The following CHCHD3 variants were observed in gnomAD, a reference collection of about 807,000 sequenced individuals.
The protein encoded by CHCHD3 is MICOS complex subunit MIC19.
CHCHD3 carries 20 observed loss-of-function variants against 38.2 expected under a neutral mutation model. The ratio of observed to expected loss-of-function variants is 0.52; its 90% CI spans 0.37 to 0.76. The LOEUF is 0.76. CHCHD3 is among the 30% of genes least tolerant of loss of function. The pLI is 0.00. For synonymous variants in CHCHD3, 82 were observed against 100.0 expected (o/e 0.82, Z 1.07); for missense variants, 245 against 279.2 (o/e 0.88, Z 0.87).
intron 4 of CHCHD3, among the ~76,000 whole-genome samples, chr7:132,944,222 G>A (rs1206827562): frequency 6.6e-6 from 1 of 151,900 alleles, no homozygotes; most frequent in Admixed American, 6.6e-5. Context: ...GACACAGGGT[G>A]CCTTACAACT....
intron 4 of CHCHD3, among the ~76,000 whole-genome samples, chr7:132,887,455 G>T (rs953545260): frequency 2.0e-5 from 3 of 150,648 alleles, no homozygotes; most frequent in African/African-American, 7.3e-5. Flanking sequence ...AAATGAAAAA[G>T]AATAGACTCA....
intron 3 of CHCHD3, among the ~76,000 whole-genome samples, chr7:132,999,513 C>T (rs111755777): frequency 2.6e-4 from 40 of 152,246 alleles, no homozygotes; most frequent in African/African-American, 6.7e-4. Flanking sequence ...AAGGAAATGG[C>T]ACTTTGTATA....
chr7:132,887,862 C>A (rs1436860643), intron 4 of CHCHD3, among the ~76,000 whole-genome samples: 1 of 151,740 alleles, frequency 6.6e-6, no homozygotes, highest in East Asian at 1.9e-4. Context: ...AATTGGTATA[C>A]CCATTTTATA....
rs1811731004 is a variant in CHCHD3 at position 132,975,208 on chromosome 7, C to A, written c.330G>T (p.Arg110Ser). The change falls in exon 4 of 8, where the codon AGG becomes AGT. Residue 110 changes from arginine to serine, a missense_variant. Physicochemically the swap from Arg to Ser is moderately radical, Grantham distance 110. Coordinates refer to ENST00000262570, the MANE Select transcript of CHCHD3 (RefSeq NM_017812.4). Reference protein sequence around the residue: ...EQLTRAILRERICSEEERAKA... With the variant: ...EQLTRAILRESICSEEERAKA... ...TAGCGCGTTCCTCCTCGCTACATATCCTCTCCCGAAGGATGGCTCTGGTTA... is the reference window on the plus strand; with the variant it reads ...TAGCGCGTTCCTCCTCGCTACATATACTCTCCCGAAGGATGGCTCTGGTTA... 2.5e-6 allele frequency: 4 copies of A among 1,612,494 alleles called. No homozygotes were observed. The highest frequency in any genetic ancestry group is 2.5e-6 in the Non-Finnish European group (3 of 1,180,006).
chr7:132,796,738 T>C (rs980556639), intron 6 of CHCHD3, among the ~76,000 whole-genome samples, 161 bp from the exon 7 acceptor site: 2 of 152,188 alleles, frequency 1.3e-5, no homozygotes, highest in African/African-American at 4.8e-5. Context: ...TAGCTAAATT[T>C]TTCCCATGAT....
intron 5 of CHCHD3, among the ~76,000 whole-genome samples, chr7:132,839,195 A>G (rs1043305277): frequency 6.6e-6 from 1 of 151,938 alleles, no homozygotes; most frequent in African/African-American, 2.4e-5. Flanking sequence ...TCCATCTCAA[A>G]AAAAAAAAAA....
chr7:133,042,298 T>C (rs1053637658), intron 2 of CHCHD3, among the ~76,000 whole-genome samples: 3 of 152,228 alleles, frequency 2.0e-5, no homozygotes, highest in Non-Finnish European at 4.4e-5. Flanking sequence ...TGCGGTAGTA[T>C]TTCTGCATGT....
At chr7:132,911,924 C>T (rs916055442) in intron 4 of CHCHD3, among the ~76,000 whole-genome samples, 1 of 152,170 alleles carries the variant, frequency 6.6e-6, no homozygotes, top group Admixed American at 6.5e-5. Flanking sequence ...CATGTCTACC[C>T]ATGTCCTTTC....
chr7:132,864,948 T>C (rs1485206753), intron 5 of CHCHD3, among the ~76,000 whole-genome samples: 4 of 152,184 alleles, frequency 2.6e-5, no homozygotes, highest in Non-Finnish European at 5.9e-5. Flanking sequence ...CGATCTCTAC[T>C]CATTGCAAAG....
intron 5 of CHCHD3, among the ~76,000 whole-genome samples, chr7:132,851,029 A>ATAAGAGGAAC (rs1808208535): frequency 1.3e-5 from 2 of 152,156 alleles, no homozygotes; most frequent in Admixed American, 1.3e-4. Context: ...CCCTTTAGGA[A>ATAAGAGGAAC]TAAGAGGAAC....
chr7:133,077,071 A>T (rs1815011890), intron 1 of CHCHD3, among the ~76,000 whole-genome samples: 1 of 152,164 alleles, frequency 6.6e-6, no homozygotes, highest in Non-Finnish European at 1.5e-5. Context: ...GTTAAGAGAA[A>T]GGGGGAGAGG....
chr7:133,082,085 G>T lies in CHCHD3; in HGVS notation c.-148C>A, dbSNP rs545069358. 1.5e-6 allele frequency: 1 copy of T among 671,924 alleles called. No homozygotes were observed. Among genetic ancestry groups the T allele is most frequent in the Non-Finnish European group, 2.4e-6 (1 of 411,770 alleles). The allele number at this position is 671,924 out of a possible 1,614,324, so 41.6% of individuals were successfully genotyped here. On this transcript the variant is annotated 5_prime_UTR_variant, in exon 1 of 8. Coordinates refer to ENST00000262570, the MANE Select transcript of CHCHD3 (RefSeq NM_017812.4). ...CCCCCAGAAGCAAGGAGAAGGCGCC[G>T]GTCCTGAGCTCCCGCCTCCTCCGGT...
chr7:133,057,892 G>T (rs1315354461), intron 2 of CHCHD3, among the ~76,000 whole-genome samples: 1 of 152,018 alleles, frequency 6.6e-6, no homozygotes, highest in East Asian at 1.9e-4. Flanking sequence ...AAAGAATCAT[G>T]AAAACAGGAT....
At chr7:132,813,280 C>T (rs941311841) in intron 6 of CHCHD3, 6 of 152,212 alleles carry the variant, frequency 3.9e-5, no homozygotes, top group Non-Finnish European at 8.8e-5. Flanking sequence ...AACATCCCAA[C>T]TGGAATCGAG....
At chr7:132,913,108 T>C (rs1475348575) in intron 4 of CHCHD3, among the ~76,000 whole-genome samples, 1 of 152,136 alleles carries the variant, frequency 6.6e-6, no homozygotes, top group East Asian at 1.9e-4. Context: ...CAAGGACACA[T>C]GCTGAAGGAG....
chr7:132,819,751 A>G (rs1807296260), intron 6 of CHCHD3, among the ~76,000 whole-genome samples: 1 of 152,230 alleles, frequency 6.6e-6, no homozygotes, highest in South Asian at 2.1e-4. Context: ...CAGAGAAAGC[A>G]GAGGAATTAA....
chr7:132,985,217 G>T (rs1393771968), intron 3 of CHCHD3, among the ~76,000 whole-genome samples: 2 of 74,568 alleles, frequency 2.7e-5, no homozygotes, highest in Admixed American at 1.5e-4. Flanking sequence ...TTAGCCCCCC[G>T]CCCGGCCAGC....
chr7:133,031,009 G>T (rs570107398), intron 2 of CHCHD3, among the ~76,000 whole-genome samples: 13 of 152,052 alleles, frequency 8.5e-5, no homozygotes, highest in African/African-American at 2.7e-4. Context: ...CTAGTCCAAG[G>T]GTCTTCTTTA....
rs1807851166 is a variant in CHCHD3, at chr7:132,838,484, T to C, written c.454-15A>G. On this transcript the variant is annotated splice_polypyrimidine_tract_variant and intron_variant, in intron 5 of 7. Coordinates refer to ENST00000262570, the MANE Select transcript of CHCHD3 (RefSeq NM_017812.4). Reference sequence around the variant, plus strand: ...AACTCTGAGCTCTGTGGACAAAGATTGATAGCAAAGGTTTCACTATCCAAG... The same window carrying C: ...AACTCTGAGCTCTGTGGACAAAGATCGATAGCAAAGGTTTCACTATCCAAG... The C allele has an allele frequency of 6.3e-7, 1 of 1,587,838 alleles. No homozygotes were observed. Among genetic ancestry groups the C allele is most frequent in the African/African-American group, 1.3e-5 (1 of 74,126 alleles).
Sources: allele counts gnomAD v4.1 joint callset (sites outside exome capture counted in the v4.1 genomes callset), GRCh38; gene constraint gnomAD v4.1.1; transcripts MANE v1.5; gene names NCBI Gene and HGNC (gene_info 2026-07-23, HGNC 2026-07-21).